RGS6: variants seen among roughly 807,000 people sequenced by gnomAD.
RGS6 encodes the protein regulator of G protein signaling 6.
In RGS6, 30 loss-of-function variants were observed where a neutral mutation model predicts 78.5. The observed-to-expected ratio is 0.38, with a 90% CI of 0.29 to 0.52. The LOEUF (loss-of-function observed/expected upper bound fraction) is 0.52, where lower values mean the gene tolerates loss of function less well. Ranked by LOEUF, RGS6 falls within the 20% of genes least tolerant of loss-of-function variation. The probability of loss-of-function intolerance (pLI) is 0.85; values close to 1 mark genes in which losing one functional copy is unlikely to be tolerated. For synonymous variants in RGS6, 206 were observed against 206.0 expected (o/e 1.00, Z 0.00); for missense variants, 495 against 609.7 (o/e 0.81, Z 1.98).
chr14:72,613,191 T>A, the RGS6 span, among the ~76,000 whole-genome samples: 34 of 152,250 alleles, frequency 2.2e-4, no homozygotes, highest in African/African-American at 7.2e-4. Context: ...TAGGGTTGTG[T>A]TGCTGAGGGA....
At chr14:71,924,875 A>G in the RGS6 span, among the ~76,000 whole-genome samples, 2 of 152,220 alleles carry the variant, frequency 1.3e-5, no homozygotes, top group African/African-American at 2.4e-5. Flanking sequence ...CAATGCTTCA[A>G]TAAACATGGC....
rs2097708456 is a variant in RGS6 at position 72,565,989 on chromosome 14, G to C, written c.*3522G>C. 1 of 152,182 alleles carries C rather than the reference G, an allele frequency of 6.6e-6. No individual in the cohort carries two copies. The highest frequency in any genetic ancestry group is 2.1e-4 in the South Asian group (1 of 4,818). The allele number at this position is 152,182 out of a possible 1,614,324, so 9.4% of individuals were successfully genotyped here. A position where few individuals can be genotyped will look rare whatever the true frequency, so the allele number is the denominator to read the frequency against. The stretch of plus-strand genomic sequence containing the variant: ...CTCGGGGGGAGATAATGCACCACCA[G>C]CCTCAAAAAGGAGCTGCCCAAGTTG... On this transcript the variant is annotated 3_prime_UTR_variant, in exon 18 of 18. Transcript: ENST00000553525.
At chr14:72,127,705 A>G (rs533085800) in intron 2 of RGS6, among the ~76,000 whole-genome samples, 1 of 152,172 alleles carries the variant, frequency 6.6e-6, no homozygotes, top group African/African-American at 2.4e-5. Context: ...TGTTCCCTCA[A>G]TGGTACTATC....
At chr14:72,149,260 G>A (rs1319275897) in intron 2 of RGS6, among the ~76,000 whole-genome samples, 2 of 152,128 alleles carry the variant, frequency 1.3e-5, no homozygotes, top group East Asian at 1.9e-4. Flanking sequence ...TCATGACCTC[G>A]CCTCAGAAGT....
intron 2 of RGS6, chr14:71,990,501 C>A (rs1476745): frequency 2.4e-6 from 1 of 418,498 alleles, no homozygotes; most frequent in South Asian, 1.8e-5. Context: ...CTGCTCACAG[C>A]TGCACAGGGA....
chr14:72,307,260 T>A (rs112031654), intron 2 of RGS6, among the ~76,000 whole-genome samples: 34 of 154 alleles, frequency 0.22, no homozygotes, highest in Admixed American at 0.33. Flanking sequence ...ATAAACATAA[T>A]TTTATATGTG....
chr14:72,566,649 A>T (rs2097712542), downstream of RGS6: 7 of 138,370 alleles, frequency 5.1e-5, no homozygotes, highest in East Asian at 2.0e-4. Context: ...ACACACACAC[A>T]CACACACACA....
chr14:72,474,580 T>C, intron 9 of RGS6, 45 bp from the exon 10 acceptor site: 1 of 1,557,774 alleles, frequency 6.4e-7, no homozygotes, highest in Non-Finnish European at 8.8e-7. Context: ...ATTGGAAGTG[T>C]AATTTTCACG....
At chr14:72,103,065 C>G (rs1451355717) in intron 2 of RGS6, among the ~76,000 whole-genome samples, 2 of 152,150 alleles carry the variant, frequency 1.3e-5, no homozygotes, top group Admixed American at 1.3e-4. Context: ...TTGAGACCTC[C>G]GTTATTTCAG....
At chr14:71,917,223 G>A in the RGS6 span, among the ~76,000 whole-genome samples, 2 of 152,184 alleles carry the variant, frequency 1.3e-5, no homozygotes, top group African/African-American at 4.8e-5. Context: ...GGACTGTCCT[G>A]CCAGCTGTGA....
rs2096700476 is a variant in RGS6, at chr14:72,152,185, AG to A, written c.84+187312del. ...CTGCTTGCTAAATTGGGAAGGGATA[AG>A]GTAGTGTTCTTCAGATATTTCAAGG... On this transcript the variant is annotated intron_variant, in intron 2 of 17. Transcript: ENST00000553525. Among the ~76,000 whole-genome samples the A allele has an allele frequency of 1.3e-5, 2 of 151,734 alleles. 1 individual carries two copies. The highest frequency in any genetic ancestry group is 4.2e-4 in the South Asian group (2 of 4,810).
chr14:72,390,762 G>T (rs951296808), intron 3 of RGS6, among the ~76,000 whole-genome samples: 4 of 152,178 alleles, frequency 2.6e-5, no homozygotes, highest in African/African-American at 9.7e-5. Context: ...TTCAACACTC[G>T]TTTTACAAGC....
chr14:72,232,788 A>G (rs1324898440), intron 2 of RGS6, among the ~76,000 whole-genome samples: 2 of 152,180 alleles, frequency 1.3e-5, no homozygotes, highest in Admixed American at 6.5e-5. Flanking sequence ...GGTAGAATCA[A>G]TGGGGATGAA....
At chr14:72,238,778 C>T (rs2051891125) in intron 2 of RGS6, among the ~76,000 whole-genome samples, 1 of 152,116 alleles carries the variant, frequency 6.6e-6, no homozygotes, top group Non-Finnish European at 1.5e-5. Flanking sequence ...ATCATGAAAA[C>T]CAGCCTCCAA....
At chr14:71,939,422 A>G (rs1447558170) in intron 1 of RGS6, among the ~76,000 whole-genome samples, 1 of 152,206 alleles carries the variant, frequency 6.6e-6, no homozygotes, top group Admixed American at 6.5e-5. Flanking sequence ...AATGTAATGG[A>G]CCAGAGTGAT....
the RGS6 span, among the ~76,000 whole-genome samples, chr14:72,608,090 T>C: frequency 2.0e-4 from 31 of 152,154 alleles, no homozygotes; most frequent in Admixed American, 1.7e-3. Context: ...GGAGCTCATG[T>C]TCTAGTTCCC....
intron 2 of RGS6, among the ~76,000 whole-genome samples, chr14:72,340,464 G>C (rs1318746720): frequency 2.6e-5 from 4 of 152,168 alleles, no homozygotes; most frequent in African/African-American, 9.7e-5. Flanking sequence ...AGCAGAAGCA[G>C]CCCTCAGGAG....
At chr14:71,961,711 T>C (rs1408751482) in intron 1 of RGS6, among the ~76,000 whole-genome samples, 1 of 152,200 alleles carries the variant, frequency 6.6e-6, no homozygotes, top group African/African-American at 2.4e-5. Flanking sequence ...AATATTAACA[T>C]GCTTTCTTTC....
intron 2 of RGS6, among the ~76,000 whole-genome samples, chr14:72,170,209 A>G (rs1482846497): frequency 6.6e-6 from 1 of 152,246 alleles, no homozygotes; most frequent in Non-Finnish European, 1.5e-5. Context: ...TTACCAATAA[A>G]TTCTGCCAAC....
Sources: gnomAD v4.1 joint callset for allele counts (sites outside exome capture counted in the v4.1 genomes callset) on GRCh38, gnomAD v4.1.1 for gene constraint, MANE v1.5 for transcripts, NCBI Gene and HGNC (gene_info 2026-07-23, HGNC 2026-07-21) for gene names.